The following BSN variants were observed in gnomAD, a reference collection of about 807,000 sequenced individuals.
The protein encoded by BSN is bassoon presynaptic cytomatrix protein, also known as protein bassoon.
A neutral mutation model predicts 264.8 loss-of-function variants in BSN; 57 were observed. The ratio of observed to expected loss-of-function variants is 0.22; its 90% confidence interval spans 0.17 to 0.27. The LOEUF (loss-of-function observed/expected upper bound fraction) is 0.27. Ranked by LOEUF, BSN falls within the 10% of genes least tolerant of loss-of-function variation. BSN has a pLI of 1.00. For missense variants in BSN, 4,615 were observed against 5,232.5 expected (o/e 0.88, Z 3.64); for synonymous variants, 2,059 against 2,137.3 (o/e 0.96, Z 1.01).
chr3:49,645,411 G>A (rs1167289513), intron 3 of BSN, among the ~76,000 whole-genome samples: 2 of 152,192 alleles, frequency 1.3e-5, no homozygotes, highest in African/African-American at 2.4e-5. Flanking sequence ...CCAGCAGCCC[G>A]GGGTCATCCT....
intron 1 of BSN, among the ~76,000 whole-genome samples, chr3:49,622,350 C>T (rs2052313165): frequency 6.6e-6 from 1 of 152,180 alleles, no homozygotes; most frequent in Non-Finnish European, 1.5e-5. Flanking sequence ...ATGATGGCTA[C>T]CATGAGGTGT....
intron 1 of BSN, among the ~76,000 whole-genome samples, chr3:49,559,745 C>A (rs2051699171): frequency 6.6e-6 from 1 of 152,216 alleles, no homozygotes; most frequent in Non-Finnish European, 1.5e-5. Flanking sequence ...CAGGATTATG[C>A]TGATTGCATC....
rs2051932630 is a variant in BSN, at chr3:49,585,746, A to G, written c.224+30920A>G. On this transcript the variant is annotated intron_variant, in intron 1 of 11. Coordinates refer to ENST00000296452, the MANE Select transcript of BSN (RefSeq NM_003458.4). The surrounding 1 kb of genome is among the most constrained non-coding windows in gnomAD (Gnocchi z 4.7). Reference sequence around the variant, plus strand: ...AGTGTACAAGGGTTCCCTTTTCTCTACATCCTTGCCAGCATTTGTTATTGC... The same window carrying G: ...AGTGTACAAGGGTTCCCTTTTCTCTGCATCCTTGCCAGCATTTGTTATTGC... Among the ~76,000 whole-genome samples, 1 of 152,224 alleles carries G rather than the reference A, an allele frequency of 6.6e-6. No homozygotes were observed. Among genetic ancestry groups the G allele is most frequent in the African/African-American group, 2.4e-5 (1 of 41,464 alleles).
Position 49,625,659 on chromosome 3 carries a change from G to T in BSN, c.633+276G>T, listed in dbSNP as rs1371673240. Reference sequence around the variant, plus strand: ...TCTAACCTGGTCCAAGTTTGGTCTGGAAAAATGGCCTTCGAGAGGACCAAA... The same window carrying T: ...TCTAACCTGGTCCAAGTTTGGTCTGTAAAAATGGCCTTCGAGAGGACCAAA... On this transcript the variant is annotated intron_variant, in intron 2 of 11. Coordinates refer to ENST00000296452, the MANE Select transcript of BSN (RefSeq NM_003458.4). The surrounding 1 kb of genome is among the most constrained non-coding windows in gnomAD (Gnocchi z 4.4). 6.6e-6 allele frequency among the ~76,000 whole-genome samples: 1 copy of T among 152,192 alleles called. No homozygotes were observed. The highest frequency in any genetic ancestry group is 1.5e-5 in the Non-Finnish European group (1 of 68,038).
At chr3:49,646,709 CT>C (rs1358451685) in intron 3 of BSN, among the ~76,000 whole-genome samples, 1 of 152,202 alleles carries the variant, frequency 6.6e-6, no homozygotes, top group Non-Finnish European at 1.5e-5. Context: ...CCATGAGCCC[CT>C]ATCTGGGTGT....
chr3:49,666,598 T>G (rs2052715206), intron 11 of BSN, among the ~76,000 whole-genome samples: 1 of 152,100 alleles, frequency 6.6e-6, no homozygotes, highest in Non-Finnish European at 1.5e-5. Context: ...CTAGACAAAG[T>G]GCTCAGAGCA....
chr3:49,609,479 G>A (rs2052186384), intron 1 of BSN, among the ~76,000 whole-genome samples: 1 of 152,116 alleles, frequency 6.6e-6, no homozygotes, highest in Non-Finnish European at 1.5e-5. Context: ...GGTCAGATGA[G>A]GAGCCTCAGG....
At chr3:49,665,710 A>G (rs537683266) in intron 11 of BSN, among the ~76,000 whole-genome samples, 15 of 152,320 alleles carry the variant, frequency 9.8e-5, no homozygotes, top group South Asian at 8.3e-4. Context: ...AGAGTCCCCA[A>G]ACCCCACAGA....
At chr3:49,581,781 G>A (rs1203852804) in intron 1 of BSN, among the ~76,000 whole-genome samples, 1 of 151,822 alleles carries the variant, frequency 6.6e-6, no homozygotes. Context: ...CCGAAATCGC[G>A]CCACTGCACT....
At chr3:49,632,962 A>G (rs2052392828) in intron 2 of BSN, among the ~76,000 whole-genome samples, 1 of 152,166 alleles carries the variant, frequency 6.6e-6, no homozygotes, top group African/African-American at 2.4e-5. Context: ...AAGGACTTGA[A>G]GAAACATTTC....
Position 49,625,790 on chromosome 3 carries a change from C to T in BSN, c.633+407C>T, listed in dbSNP as rs567163664. ...ATTTCCCTGATCTAGGCCAGGAGGC[C>T]TCTGTCTTTGACAGCAGGCCCTAGA... is the stretch of plus-strand genomic sequence containing the variant. On this transcript the variant is annotated intron_variant, in intron 2 of 11. Transcript: ENST00000296452. This position sits in a 1 kb window ranked among gnomAD's most constrained non-coding sequence, Gnocchi z 4.4. 1.3e-5 allele frequency among the ~76,000 whole-genome samples: 2 copies of T among 152,352 alleles called. No homozygotes were observed. The highest frequency in any genetic ancestry group is 4.1e-4 in the South Asian group (2 of 4,834).
chr3:49,605,445 T>A (rs1575435040), intron 1 of BSN, among the ~76,000 whole-genome samples: 1 of 29,560 alleles, frequency 3.4e-5, no homozygotes, highest in Non-Finnish European at 5.3e-5. Flanking sequence ...ATATTATATA[T>A]ATTATATAAT....
rs184691559 is a variant in BSN at position 49,612,293 on chromosome 3, G to C, written c.225-12682G>C. On this transcript the variant is annotated intron_variant, in intron 1 of 11. Transcript: ENST00000296452. ...TGGGATTACAGGCGCATGCCGCCATGCCTGGCTAATTTTTTGTATTTTTAG... is the reference window on the plus strand; with the variant it reads ...TGGGATTACAGGCGCATGCCGCCATCCCTGGCTAATTTTTTGTATTTTTAG... Among the ~76,000 whole-genome samples, 1,385 of 152,314 alleles carry C rather than the reference G, an allele frequency of 9.1e-3. 19 individuals are homozygous for C. Among genetic ancestry groups the C allele is most frequent in the African/African-American group, 0.032 (1,330 of 41,570 alleles).
In BSN at chr3:49,655,795, T is replaced by C. The variant is rs761279832; in HGVS notation, c.6239T>C (p.Val2080Ala). 3.1e-6 allele frequency: 5 copies of C among 1,613,430 alleles called. No homozygotes were observed. The highest frequency in any genetic ancestry group is 1.6e-4 in the Middle Eastern group (1 of 6,062). The change falls in exon 5 of 12, where the codon GTT becomes GCT. Residue 2080 changes from valine to alanine, a missense_variant. Physicochemically the swap from Val to Ala is moderately conservative, Grantham distance 64. Transcript: ENST00000296452. ...DHRYGPRGDA[V>A]GFQEASLAQY... ...AGGTACGGCCCACGGGGAGATGCAG[T>C]TGGCTTCCAGGAGGCCAGCCTGGCC...
In BSN at chr3:49,664,484, C is replaced by T. The variant is rs151287102; in HGVS notation, c.11670C>T (p.Ala3890=). 350 of 1,613,116 alleles carry T rather than the reference C, an allele frequency of 2.2e-4. No individual in the cohort carries two copies. Among genetic ancestry groups the T allele is most frequent in the Admixed American group, 6.5e-4 (39 of 59,894 alleles). ...TPGAPAGQPG[A]DGESVFSKIL... ...GGGCTCCCGCCGGCCAGCCAGGTGC[C>T]GATGGGGAGAGCGTGTTCTCCAAGA... The change falls in exon 9 of 12, where the codon GCC becomes GCT. Residue 3890 remains alanine (A), a synonymous_variant. Transcript: ENST00000296452.
intron 3 of BSN, among the ~76,000 whole-genome samples, chr3:49,643,445 TG>T: frequency 6.6e-6 from 1 of 152,316 alleles, no homozygotes; most frequent in Admixed American, 6.5e-5. Context: ...CCAGCTACCA[TG>T]GGCATGGCCC....
rs1052983914 is a variant in BSN at position 49,656,619 on chromosome 3, G to A, written c.7063G>A (p.Glu2355Lys). ...TGGGGCCCTCAGCCGGCCAGGGTTC[G>A]AGAAAGAGGAAGCATCACAGGAGGA... Reference protein sequence around the residue: ...GSGALSRPGFEKEEASQEERQ... With the variant: ...GSGALSRPGFKKEEASQEERQ... Residue 2355 changes from glutamate to lysine, a missense_variant, in exon 5 of 12, where the codon GAG (glutamate) becomes AAG (lysine). By Grantham distance (56) the Glu-to-Lys change is moderately conservative. This residue lies in a region of BSN where 3,415 missense variants were observed against 3,866.4 expected (regional missense o/e 0.88). Coordinates refer to ENST00000296452, the MANE Select transcript of BSN (RefSeq NM_003458.4). 2 of 1,608,414 alleles carry A rather than the reference G, an allele frequency of 1.2e-6. No individual in the cohort carries two copies. The highest frequency in any genetic ancestry group is 2.2e-5 in the East Asian group (1 of 44,750).
chr3:49,580,393 A>C (rs1268621724), intron 1 of BSN, among the ~76,000 whole-genome samples: 1 of 152,178 alleles, frequency 6.6e-6, no homozygotes, highest in Non-Finnish European at 1.5e-5. Flanking sequence ...TATGCCAGAA[A>C]ATTTACCCAT....
At chr3:49,608,830 G>GA (rs952792335) in intron 1 of BSN, among the ~76,000 whole-genome samples, 5 of 149,064 alleles carry the variant, frequency 3.4e-5, no homozygotes, top group Non-Finnish European at 6.0e-5. Flanking sequence ...TCCGTCTCGG[G>GA]AAAAAAAAAA....
Sources: allele counts gnomAD v4.1 joint callset (sites outside exome capture counted in the v4.1 genomes callset), GRCh38; gene constraint gnomAD v4.1.1; regional missense constraint gnomAD v4.1.1; non-coding constraint Gnocchi (gnomAD v3.1); transcripts MANE v1.5; gene names NCBI Gene and HGNC (gene_info 2026-07-23, HGNC 2026-07-21).